Variants in LRRC56 observed in about 807,000 individuals in gnomAD.
LRRC56 encodes leucine-rich repeat-containing protein 56.
Under a neutral mutation model 47.8 loss-of-function variants are expected in LRRC56, and 41 were observed. The observed-to-expected ratio is 0.86, with a 90% CI of 0.67 to 1.11. LRRC56 has a LOEUF of 1.11. LRRC56 is among the 50% of genes most tolerant of loss of function. The pLI, the probability that LRRC56 is intolerant of heterozygous loss-of-function variation, is 0.00. For missense variants in LRRC56, 759 were observed against 704.2 expected (o/e 1.08, Z -0.88); for synonymous variants, 387 against 311.2 (o/e 1.24, Z -2.56).
chr11:535,765 C>T (rs575912840), upstream of LRRC56, among the ~76,000 whole-genome samples: 1 of 152,224 alleles, frequency 6.6e-6, no homozygotes, highest in Admixed American at 6.5e-5. Flanking sequence ...TTGGGCTTGG[C>T]TGGAGACCGG....
chr11:511,827 C>T, the LRRC56 span, among the ~76,000 whole-genome samples: 7 of 152,300 alleles, frequency 4.6e-5, no homozygotes, highest in African/African-American at 1.4e-4. Flanking sequence ...CTCTGGGAAC[C>T]GGAAGATATT....
the LRRC56 span, among the ~76,000 whole-genome samples, chr11:520,872 T>G: frequency 1.3e-5 from 2 of 152,086 alleles, no homozygotes; most frequent in African/African-American, 2.4e-5. Context: ...CGCTGCACAA[T>G]GCGCACCCAC....
the LRRC56 span, chr11:529,139 C>CA: frequency 6.6e-6 from 1 of 152,322 alleles, no homozygotes; most frequent in Non-Finnish European, 1.5e-5. Context: ...GATACGAACT[C>CA]ACGCCATTTG....
At chr11:530,180 C>G in the LRRC56 span, among the ~76,000 whole-genome samples, 1 of 152,190 alleles carries the variant, frequency 6.6e-6, no homozygotes, top group Admixed American at 6.5e-5. Flanking sequence ...AGCACAGGCC[C>G]AGCCCTGCAA....
rs531681527 is a variant in LRRC56 at position 554,268 on chromosome 11, C to G, written c.1621C>G (p.Pro541Ala). Residue 541 changes from proline (P) to alanine (A), a missense_variant, in exon 14 of 14, where the codon CCC becomes GCC. Transcript: ENST00000270115. ...TGAACTCTCTCACCCCAGCCCCGTC[C>G]CCACTTAATATAGCCCCCACTGCCA... ...AAELSHPSPV[P>A]T 51 of 1,491,088 alleles carry G rather than the reference C, an allele frequency of 3.4e-5. No individual in the cohort carries two copies. In the African/African-American group the frequency reaches 6.2e-4, roughly 18 times the overall value. The allele number at this position is 1,491,088 out of a possible 1,614,324, so 92.4% of individuals were successfully genotyped here. A position where few individuals can be genotyped will look rare whatever the true frequency, so the allele number is the denominator to read the frequency against.
rs777899431 is a variant in LRRC56, at chr11:550,180, G to A, written c.532G>A (p.Val178Met). 1.4e-5 allele frequency: 23 copies of A among 1,613,000 alleles called. No homozygotes were observed. The highest frequency in any genetic ancestry group is 1.8e-5 in the Non-Finnish European group (21 of 1,179,840). Residue 178 changes from valine (V) to methionine (M), a missense_variant, in exon 8 of 14, where the codon GTG (valine) becomes ATG (methionine). Transcript: ENST00000270115. ...EGNSVEDLGQ[V>M]RYLQLCPRLA... is the part of the protein sequence containing the mutation. ...CAACAGCGTGGAGGACCTGGGGCAG[G>A]TGCGCTACTTGCAGCTGTGCCCACG...
chr11:522,265 G>A, the LRRC56 span, among the ~76,000 whole-genome samples: 1 of 151,388 alleles, frequency 6.6e-6, no homozygotes, highest in African/African-American at 2.4e-5. Flanking sequence ...TTTTTGTTTT[G>A]TTTTGTTTTG....
At chr11:518,754 C>T in the LRRC56 span, among the ~76,000 whole-genome samples, 1 of 152,200 alleles carries the variant, frequency 6.6e-6, no homozygotes, top group Non-Finnish European at 1.5e-5. Flanking sequence ...GGAGCCGGCC[C>T]CGGGCTGCCC....
In LRRC56 at chr11:554,730, G is replaced by C. The variant is rs1852670653; in HGVS notation, c.*454G>C. 3 of 459,262 alleles carry C rather than the reference G, an allele frequency of 6.5e-6. No individual in the cohort carries two copies. The highest frequency in any genetic ancestry group is 4.2e-5 in the African/African-American group (2 of 48,090). 28.4% of individuals were successfully genotyped at this position (459,262 alleles called of 1,614,324 possible). ...CCAGCTGCTCGCCTGAGGCCGCCGG[G>C]GGTGCGGTCCAGGCCTCCCGTCTCC... On this transcript the variant is annotated 3_prime_UTR_variant, in exon 14 of 14. Coordinates refer to ENST00000270115, the MANE Select transcript of LRRC56 (RefSeq NM_198075.4).
the LRRC56 span, among the ~76,000 whole-genome samples, chr11:510,872 G>C: frequency 1.3e-5 from 2 of 152,224 alleles, no homozygotes; most frequent in South Asian, 2.1e-4. Flanking sequence ...CCACACCACT[G>C]CACTCCAGCC....
At chr11:520,327 A>AT in the LRRC56 span, among the ~76,000 whole-genome samples, 115 of 142,710 alleles carry the variant, frequency 8.1e-4, 3 homozygotes, top group East Asian at 0.011. Context: ...TTTATTACTG[A>AT]TTTTTTTTTT....
chr11:510,984 C>T, the LRRC56 span, among the ~76,000 whole-genome samples: 13 of 152,012 alleles, frequency 8.6e-5, no homozygotes, highest in African/African-American at 2.7e-4. Flanking sequence ...GTGCACATAG[C>T]GCAAGTGTCG....
chr11:544,607 G>A (rs1851980861), intron 5 of LRRC56, 113 bp from the exon 6 acceptor site: 2 of 1,087,980 alleles, frequency 1.8e-6, no homozygotes, highest in Non-Finnish European at 2.8e-6. Context: ...GGCTTGTGAG[G>A]CTGGCCCACG....
At chr11:534,137 G>A (rs1228359974), upstream of LRRC56, 17 of 1,302,378 alleles carry the variant, frequency 1.3e-5, no homozygotes, top group Admixed American at 2.6e-4. Flanking sequence ...AGGGGCTGCA[G>A]CCAGCCCTAT....
intron 8 of LRRC56, 105 bp from the exon 9 acceptor site, chr11:551,026 C>A (rs918751525): frequency 2.2e-5 from 15 of 667,970 alleles, no homozygotes; most frequent in Admixed American, 1.0e-4. Context: ...TGGGCCCCTG[C>A]CCTGCCCCAC....
Position 554,293 on chromosome 11 carries a change from A to G in LRRC56, c.*17A>G. On this transcript the variant is annotated 3_prime_UTR_variant, in exon 14 of 14. Transcript: ENST00000270115. Reference sequence around the variant, plus strand: ...CCCACTTAATATAGCCCCCACTGCCAGGCTTCCCTGTGCTGGGGCCACGAC... The same window carrying G: ...CCCACTTAATATAGCCCCCACTGCCGGGCTTCCCTGTGCTGGGGCCACGAC... 6.8e-7 allele frequency: 1 copy of G among 1,475,602 alleles called. No individual in the cohort carries two copies. The highest frequency in any genetic ancestry group is 9.0e-7 in the Non-Finnish European group (1 of 1,117,216). 91.4% of individuals were successfully genotyped at this position (1,475,602 alleles called of 1,614,324 possible).
At chr11:551,370 C>T in intron 9 of LRRC56, 68 bp downstream of exon 9, 1 of 1,061,448 alleles carries the variant, frequency 9.4e-7, no homozygotes, top group Non-Finnish European at 1.4e-6. Context: ...GCCCCCACCC[C>T]AGGCTTCTCA....
the LRRC56 span, among the ~76,000 whole-genome samples, chr11:523,485 G>A: frequency 5.3e-5 from 8 of 151,722 alleles, no homozygotes; most frequent in Non-Finnish European, 1.0e-4. Context: ...ACAAAAATTA[G>A]CCACGTGTGG....
At chr11:533,223 G>T, upstream of LRRC56, 1 of 1,455,494 alleles carries the variant, frequency 6.9e-7, no homozygotes, top group Non-Finnish European at 9.3e-7. Flanking sequence ...CAGGGCGTGA[G>T]CCCAGACCCC....
Sources: allele counts gnomAD v4.1 joint callset (sites outside exome capture counted in the v4.1 genomes callset), GRCh38; gene constraint gnomAD v4.1.1; transcripts MANE v1.5; gene names NCBI Gene and HGNC (gene_info 2026-07-23, HGNC 2026-07-21).